Variants in KIF26B observed in about 807,000 individuals in gnomAD.
KIF26B encodes kinesin-like protein KIF26B.
Under a neutral mutation model 151.2 loss-of-function variants are expected in KIF26B, and 63 were observed. The observed-to-expected ratio is 0.42, with a 90% CI of 0.34 to 0.51. The LOEUF is 0.51. Among genes scored for constraint, KIF26B ranks in the 20% least tolerant of loss-of-function variants. The pLI is 0.07. For missense variants in KIF26B, 2,813 were observed against 2,913.6 expected, an observed-to-expected ratio of 0.97 and a Z score of 0.79; for synonymous variants, 1,357 against 1,262.1, an observed-to-expected ratio of 1.08 and a Z score of -1.59.
intron 6 of KIF26B, among the ~76,000 whole-genome samples, chr1:245,607,382 GC>G (rs1434208078): frequency 2.0e-5 from 3 of 152,186 alleles, no homozygotes; most frequent in African/African-American, 7.2e-5. Context: ...GCCTGCTCCT[GC>G]CTGCTCTACA....
chr1:245,289,106 G>A (rs1671212904), intron 2 of KIF26B, among the ~76,000 whole-genome samples: 1 of 152,122 alleles, frequency 6.6e-6, no homozygotes, highest in Admixed American at 6.5e-5. Context: ...ACTAACAGTA[G>A]GTATCTCAGT....
chr1:245,566,167 T>C (rs986933240), intron 5 of KIF26B, among the ~76,000 whole-genome samples: 19 of 152,218 alleles, frequency 1.2e-4, no homozygotes, highest in Admixed American at 9.8e-4. Flanking sequence ...GGGGCAAACC[T>C]CTGAGCCATA....
In KIF26B at chr1:245,509,274, G is replaced by T. The variant is rs78770202; in HGVS notation, c.1167-31493G>T. Among the ~76,000 whole-genome samples, 1,492 of 152,322 alleles carry T rather than the reference G, an allele frequency of 9.8e-3. 29 individuals carry two copies. The highest frequency in any genetic ancestry group is 0.034 in the African/African-American group (1,431 of 41,578). ...ACAATGAGAAATACAAACAAGATGG[G>T]ATTGGAGCCGTTCTCTATGTCTGGG... is the stretch of plus-strand genomic sequence containing the variant. On this transcript the variant is annotated intron_variant, in intron 4 of 14. Coordinates refer to ENST00000407071, the MANE Select transcript of KIF26B (RefSeq NM_018012.4).
At chr1:245,552,500 C>T (rs12049462) in intron 5 of KIF26B, among the ~76,000 whole-genome samples, 49,524 of 151,808 alleles carry the variant, frequency 0.33, 8,543 homozygotes, top group Middle Eastern at 0.38. Context: ...ACATTACCAT[C>T]GCACTAGGGG....
chr1:245,677,845 T>C (rs1223428559), intron 10 of KIF26B, among the ~76,000 whole-genome samples: 1 of 152,232 alleles, frequency 6.6e-6, no homozygotes, highest in East Asian at 1.9e-4. Context: ...CTCAACACTG[T>C]CAGAAATAAT....
At chr1:245,183,680 A>G (rs1004860463) in intron 2 of KIF26B, among the ~76,000 whole-genome samples, 2 of 152,154 alleles carry the variant, frequency 1.3e-5, no homozygotes, top group African/African-American at 2.4e-5. Context: ...CAGAATCTCT[A>G]ACACATCTTC....
At chr1:245,640,075 G>GT (rs1352666016) in intron 9 of KIF26B, among the ~76,000 whole-genome samples, 2 of 144,742 alleles carry the variant, frequency 1.4e-5, no homozygotes, top group African/African-American at 2.6e-5. Flanking sequence ...GTCCCTTACT[G>GT]TTATTGTATT....
At chr1:245,369,560 A>T (rs1029464034) in intron 3 of KIF26B, among the ~76,000 whole-genome samples, 1 of 152,214 alleles carries the variant, frequency 6.6e-6, no homozygotes, top group Non-Finnish European at 1.5e-5. Flanking sequence ...CTTTAACCCC[A>T]CAGTAGGCCT....
intron 2 of KIF26B, among the ~76,000 whole-genome samples, chr1:245,196,157 C>T (rs1669190800): frequency 6.6e-6 from 1 of 152,070 alleles, no homozygotes; most frequent in Non-Finnish European, 1.5e-5. Context: ...TGTAGGAAGA[C>T]CCCGTTTAAC....
chr1:245,693,988 G>A (rs895143952), intron 12 of KIF26B, among the ~76,000 whole-genome samples: 2 of 152,224 alleles, frequency 1.3e-5, no homozygotes, highest in Non-Finnish European at 2.9e-5. Flanking sequence ...GATTCTCTCA[G>A]ACACCAAGGA....
At chr1:245,586,052 T>G (rs1213117436) in intron 5 of KIF26B, among the ~76,000 whole-genome samples, 1 of 152,188 alleles carries the variant, frequency 6.6e-6, no homozygotes, top group Non-Finnish European at 1.5e-5. Context: ...TGGAATGCAG[T>G]GCTGTGTGAT....
intron 2 of KIF26B, among the ~76,000 whole-genome samples, chr1:245,290,709 G>T (rs371080013): frequency 6.6e-6 from 1 of 152,192 alleles, no homozygotes; most frequent in Non-Finnish European, 1.5e-5. Flanking sequence ...GTCTCATCCT[G>T]TGATTAAGAA....
chr1:245,164,929 C>T lies in KIF26B; in HGVS notation c.465+8246C>T, dbSNP rs537143587. Among the ~76,000 whole-genome samples, 127 of 152,166 alleles carry T rather than the reference C, an allele frequency of 8.3e-4. 4 individuals carry two copies. In the South Asian group the frequency reaches 0.025, roughly 30 times the overall value. On this transcript the variant is annotated intron_variant, in intron 2 of 14. Coordinates refer to ENST00000407071, the MANE Select transcript of KIF26B (RefSeq NM_018012.4). Reference sequence around the variant, plus strand: ...CTCTACTAAAAATACAAAAATTAGCCGGGCGTGGTGGCCCACACCTGTAAT... The same window carrying T: ...CTCTACTAAAAATACAAAAATTAGCTGGGCGTGGTGGCCCACACCTGTAAT...
intron 2 of KIF26B, among the ~76,000 whole-genome samples, chr1:245,289,370 T>C (rs1359455641): frequency 1.3e-5 from 2 of 152,234 alleles, no homozygotes; most frequent in South Asian, 4.1e-4. Flanking sequence ...ATTATTATTG[T>C]GATTTTCGAC....
chr1:245,345,987 C>T (rs1226322689), intron 2 of KIF26B, among the ~76,000 whole-genome samples: 1 of 146,986 alleles, frequency 6.8e-6, no homozygotes, highest in African/African-American at 2.6e-5. Context: ...GGCTGAAGTG[C>T]AGTGGCATGA....
chr1:245,164,056 A>AT (rs1389830765), intron 2 of KIF26B, among the ~76,000 whole-genome samples: 3 of 152,118 alleles, frequency 2.0e-5, no homozygotes, highest in East Asian at 1.9e-4. Flanking sequence ...ATGTGTATAT[A>AT]TTTTTTTCTA....
intron 2 of KIF26B, among the ~76,000 whole-genome samples, chr1:245,315,360 C>G (rs1381655361): frequency 1.3e-5 from 2 of 151,884 alleles, no homozygotes; most frequent in East Asian, 1.9e-4. Flanking sequence ...CAAAATGGTT[C>G]AAGGTACATT....
intron 2 of KIF26B, among the ~76,000 whole-genome samples, chr1:245,176,951 TTTAA>T (rs1285218611): frequency 6.6e-6 from 1 of 152,168 alleles, no homozygotes; most frequent in East Asian, 1.9e-4. Context: ...TCCCTTTATT[TTTAA>T]TTAATTAAGT....
chr1:245,514,384 C>T (rs1008845115), intron 4 of KIF26B, among the ~76,000 whole-genome samples: 1 of 151,970 alleles, frequency 6.6e-6, no homozygotes, highest in Non-Finnish European at 1.5e-5. Flanking sequence ...AAAATGTTAG[C>T]CAGGCATGGT....
Sources: gnomAD v4.1 joint callset for allele counts (sites outside exome capture counted in the v4.1 genomes callset) on GRCh38, gnomAD v4.1.1 for gene constraint, MANE v1.5 for transcripts, NCBI Gene and HGNC (gene_info 2026-07-23, HGNC 2026-07-21) for gene names.